Variants in TMEM163 observed in about 807,000 individuals in gnomAD.
TMEM163 encodes the protein transmembrane protein 163.
In TMEM163, 17 loss-of-function variants were observed where a neutral mutation model predicts 29.3. That is an observed-to-expected ratio of 0.58 (90% CI 0.40 to 0.87). The LOEUF is 0.87. Ranked by LOEUF, TMEM163 falls within the 40% of genes least tolerant of loss-of-function variation. TMEM163 has a pLI of 0.00. For synonymous variants in TMEM163, 157 were observed against 160.6 expected (o/e 0.98, Z 0.17); for missense variants, 303 against 381.5 (o/e 0.79, Z 1.71).
At chr2:134,634,040 G>A (rs185484133) in intron 2 of TMEM163, among the ~76,000 whole-genome samples, 91 of 133,478 alleles carry the variant, frequency 6.8e-4, no homozygotes, top group African/African-American at 2.2e-3. Flanking sequence ...GTTTTAAGAT[G>A]CAAAAGTAAG....
chr2:134,543,943 G>A (rs1037378966), intron 4 of TMEM163, among the ~76,000 whole-genome samples: 5 of 152,260 alleles, frequency 3.3e-5, no homozygotes, highest in South Asian at 2.1e-4. Flanking sequence ...ACCACCTCTC[G>A]GGCTGCATTG....
At chr2:134,487,185 A>G (rs1279787637) in intron 5 of TMEM163, among the ~76,000 whole-genome samples, 1 of 152,216 alleles carries the variant, frequency 6.6e-6, no homozygotes, top group Non-Finnish European at 1.5e-5. Context: ...GAAAAGAGAA[A>G]CAAAGTGGCA....
chr2:134,606,855 G>T (rs930841384), intron 2 of TMEM163, among the ~76,000 whole-genome samples: 4 of 152,268 alleles, frequency 2.6e-5, no homozygotes, highest in Admixed American at 1.3e-4. Context: ...TTGGCGAAAA[G>T]CAGTTTCAAT....
intron 2 of TMEM163, among the ~76,000 whole-genome samples, chr2:134,646,535 C>T (rs1683341843): frequency 1.3e-5 from 2 of 152,270 alleles, no homozygotes; most frequent in African/African-American, 4.8e-5. Flanking sequence ...ACCTCCACCT[C>T]CCAGGTTCAG....
At chr2:134,616,602 TA>T (rs1682613917) in intron 2 of TMEM163, among the ~76,000 whole-genome samples, 1 of 152,208 alleles carries the variant, frequency 6.6e-6, no homozygotes, top group Admixed American at 6.5e-5. Flanking sequence ...TGTTGAGAAA[TA>T]AAGCTTACAC....
intron 2 of TMEM163, among the ~76,000 whole-genome samples, chr2:134,693,339 G>A (rs1030171168): frequency 2.6e-5 from 4 of 152,150 alleles, no homozygotes; most frequent in African/African-American, 9.7e-5. Context: ...AGACGTGGTG[G>A]CTCATGCCTG....
intron 2 of TMEM163, among the ~76,000 whole-genome samples, chr2:134,668,179 C>T (rs545513273): frequency 2.0e-5 from 3 of 152,276 alleles, no homozygotes; most frequent in East Asian, 1.9e-4. Context: ...AATGAAAAAC[C>T]GAAACTCAAA....
At chr2:134,649,415 T>C (rs1182533030) in intron 2 of TMEM163, among the ~76,000 whole-genome samples, 4 of 152,256 alleles carry the variant, frequency 2.6e-5, no homozygotes, top group Non-Finnish European at 2.9e-5. Context: ...GAAATGTTTA[T>C]AATCCCTTTT....
intron 2 of TMEM163, among the ~76,000 whole-genome samples, chr2:134,648,615 A>G (rs1253561316): frequency 6.6e-6 from 1 of 152,156 alleles, no homozygotes; most frequent in Admixed American, 6.5e-5. Flanking sequence ...CCAGCTGGCA[A>G]CAACGAAAGA....
chr2:134,664,157 C>T, intron 2 of TMEM163, among the ~76,000 whole-genome samples: 1 of 152,262 alleles, frequency 6.6e-6, no homozygotes. Flanking sequence ...CAAGCTCCCT[C>T]ACAGCGAGTA....
chr2:134,677,246 C>T (rs550634220), intron 2 of TMEM163, among the ~76,000 whole-genome samples: 105 of 152,280 alleles, frequency 6.9e-4, no homozygotes, highest in South Asian at 4.4e-3. Context: ...CAGTGAGGCC[C>T]GCTGGCCTGC....
chr2:134,685,769 C>T (rs747283858), intron 2 of TMEM163, among the ~76,000 whole-genome samples: 2 of 152,198 alleles, frequency 1.3e-5, no homozygotes, highest in Non-Finnish European at 2.9e-5. Flanking sequence ...TCATTAAACC[C>T]ATTTTCTGAA....
chr2:134,559,185 A>G (rs1681113303), intron 2 of TMEM163, among the ~76,000 whole-genome samples: 1 of 151,998 alleles, frequency 6.6e-6, no homozygotes, highest in Non-Finnish European at 1.5e-5. Context: ...GCTCTGGGGT[A>G]CACACCTCTC....
At chr2:134,543,883 C>G (rs926134318) in intron 4 of TMEM163, among the ~76,000 whole-genome samples, 3 of 152,176 alleles carry the variant, frequency 2.0e-5, no homozygotes, top group African/African-American at 7.2e-5. Context: ...ATTCCCATCC[C>G]AATGTGCTGC....
At chr2:134,560,608 T>C (rs1681146907) in intron 2 of TMEM163, among the ~76,000 whole-genome samples, 2 of 152,144 alleles carry the variant, frequency 1.3e-5, no homozygotes, top group Admixed American at 1.3e-4. Flanking sequence ...CTTGAAGCAT[T>C]TGCAAATGGC....
intron 2 of TMEM163, among the ~76,000 whole-genome samples, chr2:134,668,355 T>C (rs1412750243): frequency 6.6e-6 from 1 of 152,122 alleles, no homozygotes; most frequent in East Asian, 1.9e-4. Context: ...AGGACGGCAG[T>C]GGCAATGGGG....
At chr2:134,482,058 C>T (rs538152467) in intron 5 of TMEM163, among the ~76,000 whole-genome samples, 1 of 152,176 alleles carries the variant, frequency 6.6e-6, no homozygotes, top group Non-Finnish European at 1.5e-5. Context: ...CTGATTAATT[C>T]TCATCTTCAA....
chr2:134,534,197 C>A (rs1680477939), intron 4 of TMEM163, among the ~76,000 whole-genome samples: 1 of 152,074 alleles, frequency 6.6e-6, no homozygotes, highest in Non-Finnish European at 1.5e-5. Context: ...TTAGGAAATG[C>A]AGCTGATAGG....
At chr2:134,659,058 G>A (rs558099072) in intron 2 of TMEM163, among the ~76,000 whole-genome samples, 34 of 152,316 alleles carry the variant, frequency 2.2e-4, no homozygotes, top group East Asian at 7.7e-4. Flanking sequence ...ATGGGATAGC[G>A]TACTGCATAC....
Sources: allele counts gnomAD v4.1 joint callset (sites outside exome capture counted in the v4.1 genomes callset), GRCh38; gene constraint gnomAD v4.1.1; transcripts MANE v1.5; gene names NCBI Gene and HGNC (gene_info 2026-07-23, HGNC 2026-07-21).